ROR2: variants seen among roughly 807,000 people sequenced by gnomAD.
ROR2 encodes tyrosine-protein kinase transmembrane receptor ROR2.
ROR2 carries 33 observed loss-of-function variants against 74.9 expected under a neutral mutation model. The observed-to-expected ratio is 0.44, with a 90% CI of 0.33 to 0.59. The LOEUF (loss-of-function observed/expected upper bound fraction) is 0.59. ROR2 is among the 20% of genes least tolerant of loss of function. The pLI, the probability that ROR2 is intolerant of heterozygous loss-of-function variation, is 0.02. For synonymous variants in ROR2, 586 were observed against 558.7 expected (o/e 1.05, Z -0.69); for missense variants, 1,216 against 1,313.8 (o/e 0.93, Z 1.15).
intron 1 of ROR2, among the ~76,000 whole-genome samples, chr9:91,852,422 C>G (rs1829125663): frequency 6.6e-6 from 1 of 152,198 alleles, no homozygotes; most frequent in Admixed American, 6.5e-5. Context: ...CCAGCTTCAT[C>G]TTTCATGACA....
At chr9:91,864,090 C>G (rs1829556402) in intron 1 of ROR2, among the ~76,000 whole-genome samples, 1 of 152,164 alleles carries the variant, frequency 6.6e-6, no homozygotes, top group Admixed American at 6.5e-5. Flanking sequence ...GAGATAAACT[C>G]CTGGACCCCC....
intron 1 of ROR2, among the ~76,000 whole-genome samples, chr9:91,926,423 A>C (rs6479384): frequency 2.7e-5 from 4 of 149,786 alleles, no homozygotes; most frequent in Admixed American, 2.7e-4. Flanking sequence ...GCACATGCCT[A>C]TAACGCCAGC....
Position 91,722,976 on chromosome 9 carries a change from AAAAG to A in ROR2, c.*682_*685del. On this transcript the variant is annotated 3_prime_UTR_variant, in exon 9 of 9. Coordinates refer to ENST00000375708, the MANE Select transcript of ROR2 (RefSeq NM_004560.4). The stretch of plus-strand genomic sequence containing the variant: ...AAACACTTTCCCTTGAATTCCCAAA[AAAAG>A]TGGGCAAAATACACATGGAGTATAA... 1 of 193,472 alleles carries A rather than the reference AAAAG, an allele frequency of 5.2e-6. No homozygotes were observed. The highest frequency in any genetic ancestry group is 1.1e-5 in the Non-Finnish European group (1 of 92,690). 12.0% of individuals were successfully genotyped at this position (193,472 alleles called of 1,614,324 possible).
intron 1 of ROR2, among the ~76,000 whole-genome samples, chr9:91,795,101 T>G (rs10992113): frequency 1.8e-4 from 27 of 151,138 alleles, no homozygotes; most frequent in Non-Finnish European, 3.7e-4. Context: ...CTGGGCAACA[T>G]AGCAAGACTC....
At chr9:91,863,363 A>C (rs2119309059) in intron 1 of ROR2, among the ~76,000 whole-genome samples, 1 of 152,296 alleles carries the variant, frequency 6.6e-6, no homozygotes, top group South Asian at 2.1e-4. Flanking sequence ...ATAGGTATAC[A>C]ACCAAGAGAA....
At chr9:91,826,022 C>G (rs1049218611) in intron 1 of ROR2, among the ~76,000 whole-genome samples, 1 of 152,226 alleles carries the variant, frequency 6.6e-6, no homozygotes, top group African/African-American at 2.4e-5. Flanking sequence ...CGCCCCCCTG[C>G]CTGCTGGCGA....
intron 1 of ROR2, among the ~76,000 whole-genome samples, chr9:91,861,897 T>TC (rs1000857380): frequency 4.6e-5 from 7 of 151,918 alleles, no homozygotes; most frequent in East Asian, 3.9e-4. Context: ...ACTGAATGTA[T>TC]CCCCCCCACC....
intron 1 of ROR2, among the ~76,000 whole-genome samples, chr9:91,837,587 G>T (rs1464675494): frequency 1.3e-5 from 2 of 152,196 alleles, no homozygotes; most frequent in African/African-American, 4.8e-5. Flanking sequence ...ATCTTAAGGG[G>T]CTTGGGGAAG....
At chr9:91,763,904 G>A (rs918097213) in intron 2 of ROR2, among the ~76,000 whole-genome samples, 1 of 152,178 alleles carries the variant, frequency 6.6e-6, no homozygotes, top group Non-Finnish European at 1.5e-5. Flanking sequence ...GATATGCTCC[G>A]CAGAGTCGGC....
intron 1 of ROR2, among the ~76,000 whole-genome samples, chr9:91,881,726 G>A (rs1282806143): frequency 6.6e-6 from 1 of 152,096 alleles, no homozygotes; most frequent in Non-Finnish European, 1.5e-5. Flanking sequence ...CCTCATTAGC[G>A]AAGGTGATTA....
chr9:91,884,969 T>C (rs1587819716), intron 1 of ROR2, among the ~76,000 whole-genome samples: 1 of 152,294 alleles, frequency 6.6e-6, no homozygotes, highest in African/African-American at 2.4e-5. Context: ...TTTTCTGTGT[T>C]ATCACTGCAA....
intron 1 of ROR2, among the ~76,000 whole-genome samples, chr9:91,837,302 G>C (rs1292465756): frequency 2.0e-5 from 3 of 152,146 alleles, no homozygotes; most frequent in Non-Finnish European, 4.4e-5. Context: ...TTGATCTCCT[G>C]ACCTCATGAT....
At chr9:91,909,862 T>TG (rs1260355991) in intron 1 of ROR2, among the ~76,000 whole-genome samples, 6 of 129,794 alleles carry the variant, frequency 4.6e-5, no homozygotes, top group South Asian at 5.4e-4. Context: ...TTTTTTTTTT[T>TG]TTTTTTTTTA....
intron 2 of ROR2, among the ~76,000 whole-genome samples, chr9:91,758,320 T>C (rs1825821800): frequency 6.6e-6 from 1 of 152,214 alleles, no homozygotes; most frequent in South Asian, 2.1e-4. Flanking sequence ...TGTGCTTCTC[T>C]TTCCAAACAC....
At chr9:91,853,523 C>T (rs1322954109) in intron 1 of ROR2, among the ~76,000 whole-genome samples, 1 of 152,168 alleles carries the variant, frequency 6.6e-6, no homozygotes, top group Non-Finnish European at 1.5e-5. Context: ...CCCTCCACTA[C>T]ACCCTGATCA....
At chr9:91,882,639 A>G (rs764432534) in intron 1 of ROR2, among the ~76,000 whole-genome samples, 2 of 152,220 alleles carry the variant, frequency 1.3e-5, no homozygotes, top group East Asian at 3.8e-4. Flanking sequence ...TTAAAATCCT[A>G]ACCCCAGGAC....
chr9:91,820,811 G>A (rs1189672762), intron 1 of ROR2, among the ~76,000 whole-genome samples: 1 of 152,166 alleles, frequency 6.6e-6, no homozygotes, highest in Non-Finnish European at 1.5e-5. Context: ...TATAAGAAGG[G>A]GAGGTCAGGC....
intron 5 of ROR2, 83 bp downstream of exon 5, chr9:91,737,308 G>A: frequency 2.5e-6 from 4 of 1,573,974 alleles, no homozygotes; most frequent in East Asian, 4.5e-5. Context: ...GCCATTAACT[G>A]ATGAAACACA....
chr9:91,925,983 C>T (rs1444918062), intron 1 of ROR2, among the ~76,000 whole-genome samples: 1 of 152,170 alleles, frequency 6.6e-6, no homozygotes, highest in Non-Finnish European at 1.5e-5. Flanking sequence ...GTTGCTCACG[C>T]CTGTAATCCC....
Sources: gnomAD v4.1 joint callset for allele counts (sites outside exome capture counted in the v4.1 genomes callset) on GRCh38, gnomAD v4.1.1 for gene constraint, MANE v1.5 for transcripts, NCBI Gene and HGNC (gene_info 2026-07-23, HGNC 2026-07-21) for gene names.